Variants in PCDHA10 observed in about 807,000 individuals in gnomAD.
PCDHA10 encodes protocadherin alpha-10.
Under a neutral mutation model 61.2 loss-of-function variants are expected in PCDHA10, and 45 were observed. The observed-to-expected ratio is 0.74, with a 90% CI of 0.58 to 0.94. PCDHA10 has a LOEUF of 0.94. Ranked by LOEUF, PCDHA10 falls within the 40% of genes least tolerant of loss-of-function variation. The probability of loss-of-function intolerance (pLI) is 0.00; values close to 1 mark genes in which losing one functional copy is unlikely to be tolerated. For missense variants in PCDHA10, 1,278 were observed against 1,236.2 expected, an observed-to-expected ratio of 1.03 and a Z score of -0.51; for synonymous variants, 602 against 548.8, an observed-to-expected ratio of 1.10 and a Z score of -1.35.
chr5:140,926,495 T>G (rs1033428952), intron 1 of PCDHA10: 3 of 181,806 alleles, frequency 1.7e-5, no homozygotes, highest in Non-Finnish European at 3.4e-5. Flanking sequence ...TGTTAGTGTC[T>G]CGGGGCGTCT....
chr5:140,985,471 G>A (rs926791157), intron 3 of PCDHA10, among the ~76,000 whole-genome samples: 4 of 152,148 alleles, frequency 2.6e-5, no homozygotes, highest in African/African-American at 9.7e-5. Flanking sequence ...AAAAAATTTG[G>A]TTGTTTCCAG....
intron 1 of PCDHA10, among the ~76,000 whole-genome samples, chr5:140,976,409 G>C (rs1208759254): frequency 6.6e-6 from 1 of 152,064 alleles, no homozygotes; most frequent in African/African-American, 2.4e-5. Flanking sequence ...AAATTAGCCA[G>C]GTACGGTGGC....
rs148283153 is a variant in PCDHA10, at chr5:140,857,227, G to C, written c.1179G>C (p.Pro393=). The change falls in exon 1 of 4, where the codon CCG becomes CCC. Residue 393 remains proline, a synonymous_variant. Transcript: ENST00000307360. The part of the protein sequence containing the change: ...QVTCSLTPHV[P]FKLVSTYKNY... ...CCTGCTCTCTGACGCCTCACGTTCCGTTCAAGCTGGTGTCCACCTACAAGA... is the reference window on the plus strand; with the variant it reads ...CCTGCTCTCTGACGCCTCACGTTCCCTTCAAGCTGGTGTCCACCTACAAGA... 3.1e-6 allele frequency: 5 copies of C among 1,598,446 alleles called. 1 individual carries two copies. Among genetic ancestry groups the C allele is most frequent in the South Asian group, 1.1e-5 (1 of 90,546 alleles).
At chr5:140,992,708 C>T (rs2097525816) in intron 3 of PCDHA10, among the ~76,000 whole-genome samples, 1 of 152,100 alleles carries the variant, frequency 6.6e-6, no homozygotes, top group African/African-American at 2.4e-5. Context: ...ATGTTCCTGC[C>T]AGTATTCGTA....
chr5:140,964,139 A>G (rs1396740282), intron 1 of PCDHA10, among the ~76,000 whole-genome samples: 1 of 152,242 alleles, frequency 6.6e-6, no homozygotes, highest in Non-Finnish European at 1.5e-5. Flanking sequence ...TAAGGTTGGC[A>G]GGAGCCTCAG....
intron 1 of PCDHA10, chr5:140,882,766 G>T: frequency 1.2e-6 from 2 of 1,614,184 alleles, no homozygotes; most frequent in South Asian, 2.2e-5. Context: ...GAGTAAACTC[G>T]GCATTGACCT....
At chr5:140,965,670 G>A (rs2095922284) in intron 1 of PCDHA10, among the ~76,000 whole-genome samples, 1 of 152,144 alleles carries the variant, frequency 6.6e-6, no homozygotes, top group Non-Finnish European at 1.5e-5. Flanking sequence ...GGTGATAAAT[G>A]TAAAAGATTT....
intron 1 of PCDHA10, among the ~76,000 whole-genome samples, chr5:140,921,583 TA>T (rs2080282425): frequency 6.6e-6 from 1 of 152,200 alleles, no homozygotes; most frequent in South Asian, 2.1e-4. Flanking sequence ...GCTCATACTA[TA>T]TTATGGTTTC....
intron 1 of PCDHA10, chr5:140,882,727 A>G (rs1554175345): frequency 6.2e-7 from 1 of 1,614,250 alleles, no homozygotes. Context: ...CTCGATTTCC[A>G]CTAGATGGCG....
chr5:140,984,861 C>A (rs1163314869), intron 3 of PCDHA10, among the ~76,000 whole-genome samples: 1 of 151,870 alleles, frequency 6.6e-6, no homozygotes, highest in Non-Finnish European at 1.5e-5. Flanking sequence ...ATAATAACAC[C>A]TATTTTATTG....
chr5:140,960,258 T>G (rs551623092), intron 1 of PCDHA10, among the ~76,000 whole-genome samples: 1 of 152,248 alleles, frequency 6.6e-6, no homozygotes, highest in Non-Finnish European at 1.5e-5. Context: ...CTGGAGCTTC[T>G]GATAAATTCC....
intron 3 of PCDHA10, among the ~76,000 whole-genome samples, chr5:140,993,386 A>C (rs1435793353): frequency 6.6e-6 from 1 of 151,354 alleles, no homozygotes; most frequent in Non-Finnish European, 1.5e-5. Flanking sequence ...GGGTCCCTGA[A>C]ACTCCATCAT....
At chr5:140,917,690 G>C (rs2078307385) in intron 1 of PCDHA10, among the ~76,000 whole-genome samples, 1 of 152,108 alleles carries the variant, frequency 6.6e-6, no homozygotes, top group African/African-American at 2.4e-5. Context: ...TTTTGTTGAA[G>C]ATCAGATAAT....
intron 1 of PCDHA10, among the ~76,000 whole-genome samples, chr5:140,921,352 T>C (rs889434892): frequency 6.6e-6 from 1 of 152,190 alleles, no homozygotes; most frequent in Non-Finnish European, 1.5e-5. Context: ...TATATTTGCC[T>C]ATATTCAAGT....
At chr5:140,869,066 T>G (rs782722664) in intron 1 of PCDHA10, 1 of 1,567,422 alleles carries the variant, frequency 6.4e-7, no homozygotes, top group Non-Finnish European at 8.6e-7. Context: ...GTACTGTAAG[T>G]GTAAAGAAGC....
intron 1 of PCDHA10, chr5:140,966,824 A>T: frequency 1.3e-6 from 2 of 1,559,992 alleles, no homozygotes; most frequent in Non-Finnish European, 1.7e-6. Flanking sequence ...CCGGCGGCCC[A>T]TGCCCTGGCT....
intron 1 of PCDHA10, among the ~76,000 whole-genome samples, chr5:140,902,916 A>G (rs940228069): frequency 2.0e-5 from 3 of 152,174 alleles, no homozygotes; most frequent in African/African-American, 4.8e-5. Context: ...GCTGAGTAGT[A>G]TTGCATGGTG....
chr5:140,982,482 C>T lies in PCDHA10; in HGVS notation c.2455C>T (p.His819Tyr), dbSNP rs782273708. 1.9e-6 allele frequency: 3 copies of T among 1,614,054 alleles called. No individual in the cohort carries two copies. Among genetic ancestry groups the T allele is most frequent in the East Asian group, 4.5e-5 (2 of 44,894 alleles). The change falls in exon 3 of 4, where the codon CAC (histidine) becomes TAC (tyrosine). Residue 819 changes from histidine to tyrosine, a missense_variant. Physicochemically the swap from His to Tyr is moderately conservative, Grantham distance 83. Transcript: ENST00000307360. ...SLRAGMHSSV[H>Y]LEEAGILRAG... ...GTCTGTGTGTTTATTCAGCTCTGTGCACCTAGAGGAGGCTGGCATTCTACG... is the reference window on the plus strand; with the variant it reads ...GTCTGTGTGTTTATTCAGCTCTGTGTACCTAGAGGAGGCTGGCATTCTACG...
At chr5:140,890,226 G>C (rs1339541830) in intron 1 of PCDHA10, among the ~76,000 whole-genome samples, 7 of 152,100 alleles carry the variant, frequency 4.6e-5, no homozygotes, top group Admixed American at 4.6e-4. Context: ...AGACCTAGTT[G>C]TTAAGCATTT....
Sources: allele counts gnomAD v4.1 joint callset (sites outside exome capture counted in the v4.1 genomes callset), GRCh38; gene constraint gnomAD v4.1.1; transcripts MANE v1.5; gene names NCBI Gene and HGNC (gene_info 2026-07-23, HGNC 2026-07-21).